The following SORCS3 variants were observed in gnomAD, a reference collection of about 807,000 sequenced individuals.
SORCS3 encodes sortilin related VPS10 domain containing receptor 3, also known as VPS10 domain-containing receptor SorCS3.
In SORCS3, 57 loss-of-function variants were observed where a neutral mutation model predicts 146.3. The ratio of observed to expected loss-of-function variants is 0.39; its 90% CI spans 0.31 to 0.49. The LOEUF (loss-of-function observed/expected upper bound fraction) is 0.49, where lower values mean the gene tolerates loss of function less well. Ranked by LOEUF, SORCS3 falls within the 20% of genes least tolerant of loss-of-function variation. SORCS3 has a pLI of 0.92. For missense variants in SORCS3, 1,341 were observed against 1,575.5 expected, an observed-to-expected ratio of 0.85 and a Z score of 2.52; for synonymous variants, 653 against 618.5, an observed-to-expected ratio of 1.06 and a Z score of -0.83.
chr10:105,175,840 A>G (rs2056397545), intron 13 of SORCS3, among the ~76,000 whole-genome samples: 1 of 152,260 alleles, frequency 6.6e-6, no homozygotes, highest in Non-Finnish European at 1.5e-5. Flanking sequence ...ATTCGTGAAC[A>G]TGGATCAAGG....
At chr10:105,009,580 T>C (rs2055120385) in intron 4 of SORCS3, among the ~76,000 whole-genome samples, 1 of 150,506 alleles carries the variant, frequency 6.6e-6, no homozygotes, top group Non-Finnish European at 1.5e-5. Context: ...GAGGATATGA[T>C]TTTGTGTTGG....
At chr10:104,881,885 A>G (rs982495273) in intron 2 of SORCS3, among the ~76,000 whole-genome samples, 1 of 152,164 alleles carries the variant, frequency 6.6e-6, no homozygotes, top group South Asian at 2.1e-4. Context: ...TCAAATGGAG[A>G]CAATACTTAA....
At chr10:104,870,122 A>G (rs1907038) in intron 2 of SORCS3, among the ~76,000 whole-genome samples, 127,699 of 152,274 alleles carry the variant, frequency 0.84, 54,007 homozygotes, top group East Asian at 0.98. Context: ...CATATTATAA[A>G]TGTCAACAAT....
chr10:105,029,318 T>C (rs1187029533), intron 4 of SORCS3, among the ~76,000 whole-genome samples: 1 of 152,178 alleles, frequency 6.6e-6, no homozygotes, highest in Non-Finnish European at 1.5e-5. Flanking sequence ...CCACCCAAGT[T>C]TCTTTCTCAC....
chr10:104,695,827 G>A (rs1347844167), intron 1 of SORCS3, among the ~76,000 whole-genome samples: 1 of 150,648 alleles, frequency 6.6e-6, no homozygotes, highest in Non-Finnish European at 1.5e-5. Flanking sequence ...TTAAATAGCT[G>A]CACTAAAATT....
chr10:104,965,887 A>G (rs1426748891), intron 3 of SORCS3, among the ~76,000 whole-genome samples: 1 of 152,072 alleles, frequency 6.6e-6, no homozygotes. Flanking sequence ...GCTTAATATA[A>G]TGGATTAGGG....
chr10:104,992,290 G>T (rs562291235), intron 4 of SORCS3, among the ~76,000 whole-genome samples: 3 of 152,266 alleles, frequency 2.0e-5, no homozygotes, highest in African/African-American at 7.2e-5. Context: ...GAAAAAAGAT[G>T]GTGCCCAGAC....
intron 14 of SORCS3, among the ~76,000 whole-genome samples, chr10:105,185,811 T>C (rs996146100): frequency 6.6e-6 from 1 of 152,184 alleles, no homozygotes; most frequent in South Asian, 2.1e-4. Flanking sequence ...TTCTAGAACA[T>C]ATGTGGACAC....
intron 2 of SORCS3, among the ~76,000 whole-genome samples, chr10:104,876,460 TG>T (rs2018572660): frequency 6.7e-6 from 1 of 149,842 alleles, no homozygotes; most frequent in African/African-American, 2.4e-5. Context: ...CTTATAGATC[TG>T]TTTCCACAGG....
chr10:104,723,293 G>C (rs1019226315), intron 1 of SORCS3, among the ~76,000 whole-genome samples: 1 of 152,198 alleles, frequency 6.6e-6, no homozygotes, highest in Non-Finnish European at 1.5e-5. Context: ...GCAGTTTTGA[G>C]AGAGTTTCTT....
At chr10:105,188,491 A>T (rs1301393541) in intron 14 of SORCS3, among the ~76,000 whole-genome samples, 3 of 152,190 alleles carry the variant, frequency 2.0e-5, no homozygotes, top group Non-Finnish European at 4.4e-5. Context: ...AGTGCTAACC[A>T]ATGCCCTGAT....
At chr10:104,690,136 C>T (rs1485395159) in intron 1 of SORCS3, among the ~76,000 whole-genome samples, 2 of 152,112 alleles carry the variant, frequency 1.3e-5, no homozygotes, top group Non-Finnish European at 2.9e-5. Context: ...TTCCTTTATC[C>T]CTTGCCTGTA....
intron 6 of SORCS3, among the ~76,000 whole-genome samples, chr10:105,102,780 C>CCTTT (rs2055794481): frequency 1.1e-5 from 1 of 92,526 alleles, no homozygotes. Context: ...ACCTCTCAAC[C>CCTTT]TTTTTTTTTT....
chr10:104,956,279 G>A (rs531527990), intron 3 of SORCS3, among the ~76,000 whole-genome samples: 14 of 152,120 alleles, frequency 9.2e-5, no homozygotes, highest in Admixed American at 2.0e-4. Flanking sequence ...TCTCAGTAAT[G>A]GATTACTGTC....
At chr10:104,996,617 C>T (rs2055028990) in intron 4 of SORCS3, among the ~76,000 whole-genome samples, 1 of 152,134 alleles carries the variant, frequency 6.6e-6, no homozygotes, top group South Asian at 2.1e-4. Flanking sequence ...AAGTAGAGCA[C>T]ACACTCAAGT....
At chr10:104,960,073 C>T (rs556873660) in intron 3 of SORCS3, among the ~76,000 whole-genome samples, 37 of 152,154 alleles carry the variant, frequency 2.4e-4, no homozygotes, top group Middle Eastern at 3.4e-3. Context: ...TTTGAGGGCC[C>T]GTCCCATCAG....
chr10:104,665,684 C>T (rs998110692), intron 1 of SORCS3: 1 of 152,254 alleles, frequency 6.6e-6, no homozygotes, highest in Admixed American at 6.5e-5. Context: ...AGATGGCAAA[C>T]AGCATTGTGT....
chr10:104,888,092 C>T (rs891295696), intron 2 of SORCS3, among the ~76,000 whole-genome samples: 5 of 151,954 alleles, frequency 3.3e-5, no homozygotes, highest in Non-Finnish European at 7.4e-5. Flanking sequence ...ACCTCTTTTC[C>T]TTTTGCTTGC....
At chr10:105,150,098 A>G (rs983729550) in intron 9 of SORCS3, among the ~76,000 whole-genome samples, 1 of 152,122 alleles carries the variant, frequency 6.6e-6, no homozygotes, top group Admixed American at 6.6e-5. Context: ...GTTATGACTT[A>G]GTTTTTACCT....
Sources: gnomAD v4.1 joint callset for allele counts (sites outside exome capture counted in the v4.1 genomes callset) on GRCh38, gnomAD v4.1.1 for gene constraint, MANE v1.5 for transcripts, NCBI Gene and HGNC (gene_info 2026-07-23, HGNC 2026-07-21) for gene names.